The following DSTYK variants were observed in gnomAD, a reference collection of about 807,000 sequenced individuals.
DSTYK encodes the protein dual serine/threonine and tyrosine protein kinase.
In DSTYK, 34 loss-of-function variants were observed where a neutral mutation model predicts 98.7. The observed-to-expected ratio is 0.34, with a 90% confidence interval of 0.26 to 0.46. DSTYK has a LOEUF of 0.46. DSTYK is among the 20% of genes least tolerant of loss of function. The pLI is 1.00. For missense variants in DSTYK, 962 were observed against 1,181.7 expected, an observed-to-expected ratio of 0.81 and a Z score of 2.73; for synonymous variants, 462 against 457.3, an observed-to-expected ratio of 1.01 and a Z score of -0.13.
rs2102364571 is a variant in DSTYK at position 205,144,063 on chromosome 1, TG to T, written c.*3494del. 6.5e-6 allele frequency: 1 copy of T among 152,750 alleles called. No homozygotes were observed. Among genetic ancestry groups the T allele is most frequent in the African/African-American group, 2.4e-5 (1 of 41,564 alleles). The allele number at this position is 152,750 out of a possible 1,614,324, so 9.5% of individuals were successfully genotyped here. ...TATGCCTGGGGAAACCCCACCCAAA[TG>T]AGCCATGCCAGACAGCCCTTGCCAT... On this transcript the variant is annotated 3_prime_UTR_variant, in exon 13 of 13. Coordinates refer to ENST00000367162, the MANE Select transcript of DSTYK (RefSeq NM_015375.3).
At chr1:205,190,399 C>A (rs1286749915) in intron 1 of DSTYK, among the ~76,000 whole-genome samples, 2 of 152,026 alleles carry the variant, frequency 1.3e-5, no homozygotes, top group African/African-American at 4.8e-5. Flanking sequence ...TGGAGGTGGG[C>A]AGATCACCTG....
intron 1 of DSTYK, chr1:205,202,368 T>C: frequency 4.1e-6 from 3 of 727,272 alleles, no homozygotes; most frequent in Non-Finnish European, 5.1e-6. Context: ...GCATGTACCA[T>C]TCCAACATTA....
Position 205,206,894 on chromosome 1 carries a change from G to C in DSTYK, c.265+4377C>G, listed in dbSNP as rs548651015. Among the ~76,000 whole-genome samples the C allele has an allele frequency of 2.6e-3, 397 of 151,974 alleles. 2 individuals are homozygous for C. Among genetic ancestry groups the C allele is most frequent in the African/African-American group, 8.9e-3 (367 of 41,424 alleles). On this transcript the variant is annotated intron_variant, in intron 1 of 12. Transcript: ENST00000367162. ...AGGTCCTGTTCTAAACATGCACATA[G>C]ATTCACTCCCAAGAACTCTAGAGAT... is the stretch of plus-strand genomic sequence containing the variant.
chr1:205,178,110 A>C (rs931173564), intron 2 of DSTYK, among the ~76,000 whole-genome samples: 1 of 152,176 alleles, frequency 6.6e-6, no homozygotes. Flanking sequence ...AGACTTAGAA[A>C]AAACAGAATC....
At chr1:205,198,107 C>T (rs753167551) in intron 1 of DSTYK, among the ~76,000 whole-genome samples, 6 of 152,042 alleles carry the variant, frequency 3.9e-5, no homozygotes, top group Non-Finnish European at 8.8e-5. Flanking sequence ...GCAGAAGAAT[C>T]GCTTGAACCC....
At position 205,144,506 on chromosome 1, in the gene DSTYK, C is replaced by T. The variant is rs1371375805; in HGVS notation, c.*3052G>A. 6.6e-6 allele frequency: 1 copy of T among 152,580 alleles called. No homozygotes were observed. Among genetic ancestry groups the T allele is most frequent in the African/African-American group, 2.4e-5 (1 of 41,422 alleles). 9.5% of individuals were successfully genotyped at this position (152,580 alleles called of 1,614,324 possible). On this transcript the variant is annotated 3_prime_UTR_variant, in exon 13 of 13. Coordinates refer to ENST00000367162, the MANE Select transcript of DSTYK (RefSeq NM_015375.3). The stretch of plus-strand genomic sequence containing the variant: ...CAGTACATTTCATGGCATTCCATCA[C>T]TTATAATAAGAATGGATGCCAAAGA...
rs369690041 is a variant in DSTYK, at chr1:205,156,479, A to G, written c.2352+794T>C. ...TCAAAGAAGATGATTTTGGAACTGC[A>G]GGGTTTAATGACTGCCCTATTGGAT... On this transcript the variant is annotated intron_variant, in intron 10 of 12. Transcript: ENST00000367162. Among the ~76,000 whole-genome samples the G allele has an allele frequency of 9.8e-5, 15 of 152,324 alleles. No homozygotes were observed. The South Asian group carries it at 1.2e-3, about 13-fold the overall frequency.
intron 2 of DSTYK, among the ~76,000 whole-genome samples, chr1:205,174,619 G>A (rs1658171968): frequency 6.6e-6 from 1 of 151,336 alleles, no homozygotes; most frequent in Non-Finnish European, 1.5e-5. Context: ...GGAGGTGGAG[G>A]TTGCAGTGAG....
chr1:205,155,120 G>C (rs1657520358), intron 10 of DSTYK, among the ~76,000 whole-genome samples: 1 of 151,950 alleles, frequency 6.6e-6, no homozygotes, highest in Non-Finnish European at 1.5e-5. Flanking sequence ...AAGTAGCTGG[G>C]ACTACAGGTG....
intron 2 of DSTYK, among the ~76,000 whole-genome samples, chr1:205,186,182 T>C (rs561295355): frequency 6.6e-6 from 1 of 152,308 alleles, no homozygotes; most frequent in South Asian, 2.1e-4. Context: ...ATGGGTCAAC[T>C]GAACATGCCA....
At chr1:205,204,002 A>G (rs1433455743) in intron 1 of DSTYK, among the ~76,000 whole-genome samples, 1 of 152,214 alleles carries the variant, frequency 6.6e-6, no homozygotes, top group East Asian at 1.9e-4. Context: ...GAGAAAGGCC[A>G]GAAAGGGAAA....
rs1184748693 is a variant in DSTYK at position 205,211,467 on chromosome 1, C to T, written c.69G>A (p.Met23Ile). Residue 23 changes from methionine (M) to isoleucine (I), a missense_variant, in exon 1 of 13, where the codon ATG (methionine) becomes ATA (isoleucine). Around this residue, in one of 4 missense-constraint regions of DSTYK, gnomAD observed 168 missense variants for 120.0 expected, o/e 1.40. Coordinates refer to ENST00000367162, the MANE Select transcript of DSTYK (RefSeq NM_015375.3). ...VSGPGPGGGG[M>I]IRELCRGFGR... Reference sequence around the variant, plus strand: ...CGAAGCCCCGGCACAGCTCGCGGATCATTCCGCCGCCGCCGGGGCCGGGAC... The same window carrying T: ...CGAAGCCCCGGCACAGCTCGCGGATTATTCCGCCGCCGCCGGGGCCGGGAC... 1.9e-6 allele frequency: 3 copies of T among 1,590,596 alleles called. No individual in the cohort carries two copies. Among genetic ancestry groups the T allele is most frequent in the Admixed American group, 3.4e-5 (2 of 58,470 alleles).
intron 3 of DSTYK, among the ~76,000 whole-genome samples, chr1:205,167,033 T>C (rs914224624): frequency 1.3e-5 from 2 of 152,176 alleles, no homozygotes; most frequent in Admixed American, 1.3e-4. Flanking sequence ...GAAAGTGAAA[T>C]ATGCCAGAAA....
chr1:205,210,367 C>T (rs1484554937), intron 1 of DSTYK, among the ~76,000 whole-genome samples: 1 of 152,146 alleles, frequency 6.6e-6, no homozygotes, highest in African/African-American at 2.4e-5. Flanking sequence ...AACCCACAGA[C>T]TTCTTTGCTG....
rs113290838 is a variant in DSTYK, at chr1:205,156,271, C to T, written c.2352+1002G>A. ...AGAAGAAGGCCACTGTCTTCTAGAA[C>T]CCAGAAGGGTAGATCCACACACAAC... On this transcript the variant is annotated intron_variant, in intron 10 of 12. Transcript: ENST00000367162. 6.5e-3 allele frequency among the ~76,000 whole-genome samples: 986 copies of T among 152,176 alleles called. 10 individuals carry two copies. Among genetic ancestry groups the T allele is most frequent in the African/African-American group, 0.02 (810 of 41,510 alleles).
Position 205,169,552 on chromosome 1 carries a change from T to G in DSTYK, c.935A>C (p.Tyr312Ser), listed in dbSNP as rs1326434998. ...PLYRQLIDLG[Y>S]LSSSHWNCGA... ...ACAGTTCCAGTGACTGCTGCTCAGA[T>G]AGCCCAGGTCAATTAGCTGGCGATA... Residue 312 changes from tyrosine to serine, a missense_variant, in exon 3 of 13, where the codon TAT becomes TCT. By Grantham distance (144) the Tyr-to-Ser change is moderately radical. Around this residue, in one of 4 missense-constraint regions of DSTYK, gnomAD observed 660 missense variants for 855.0 expected, o/e 0.77. Coordinates refer to ENST00000367162, the MANE Select transcript of DSTYK (RefSeq NM_015375.3). The surrounding 1 kb of genome is among the most constrained non-coding windows in gnomAD (Gnocchi z 4.0). 2 of 1,614,208 alleles carry G rather than the reference T, an allele frequency of 1.2e-6. No homozygotes were observed. The highest frequency in any genetic ancestry group is 3.3e-5 in the Admixed American group (2 of 60,020).
At chr1:205,173,328 A>T (rs1168005811) in intron 2 of DSTYK, 2 of 144,868 alleles carry the variant, frequency 1.4e-5, no homozygotes, top group African/African-American at 5.0e-5. Flanking sequence ...GAGGAGACGG[A>T]GGCTGCAGTG....
rs114364041 is a variant in DSTYK, at chr1:205,176,020, A to G, written c.655-6188T>C. The stretch of plus-strand genomic sequence containing the variant: ...GAGTAAGCATTTTGCTCCTAACTCA[A>G]TCAAGTAAAAAGAATCTCAAGGAAT... On this transcript the variant is annotated intron_variant, in intron 2 of 12. Transcript: ENST00000367162. 3.0e-3 allele frequency among the ~76,000 whole-genome samples: 456 copies of G among 152,344 alleles called. 8 individuals are homozygous for G. The Middle Eastern group carries it at 0.041, about 14-fold the overall frequency.
chr1:205,172,672 C>T (rs1391546020), intron 2 of DSTYK, among the ~76,000 whole-genome samples: 2 of 152,084 alleles, frequency 1.3e-5, no homozygotes, highest in African/African-American at 2.4e-5. Context: ...ACTTTCTTTT[C>T]TCACAAAGAA....
Sources: gnomAD v4.1 joint callset for allele counts (sites outside exome capture counted in the v4.1 genomes callset) on GRCh38, gnomAD v4.1.1 for gene constraint, gnomAD v4.1.1 regional missense constraint, Gnocchi (gnomAD v3.1) non-coding constraint, MANE v1.5 for transcripts, NCBI Gene and HGNC (gene_info 2026-07-23, HGNC 2026-07-21) for gene names.